The following SNUPN variants were observed in gnomAD, a reference collection of about 807,000 sequenced individuals.
SNUPN encodes snurportin-1.
A neutral mutation model predicts 39.2 loss-of-function variants in SNUPN; 31 were observed. That is an observed-to-expected ratio of 0.79 (90% CI 0.59 to 1.07). The LOEUF (loss-of-function observed/expected upper bound fraction) is 1.07. Among genes scored for constraint, SNUPN ranks in the 50% least tolerant of loss-of-function variants. The pLI is 0.00. For synonymous variants in SNUPN, 132 were observed against 159.0 expected (o/e 0.83, Z 1.28); for missense variants, 382 against 434.2 (o/e 0.88, Z 1.07).
chr15:75,604,175 T>G (rs1230429944), intron 7 of SNUPN, among the ~76,000 whole-genome samples: 1 of 150,060 alleles, frequency 6.7e-6, no homozygotes, highest in Non-Finnish European at 1.5e-5. Context: ...TTTTTTTTTT[T>G]TTTGTGACAG....
intron 3 of SNUPN, among the ~76,000 whole-genome samples, chr15:75,616,637 A>C (rs1567559544): frequency 1.3e-5 from 2 of 152,242 alleles, no homozygotes; most frequent in South Asian, 4.1e-4. Context: ...AGATGACAAG[A>C]TACTTGGGTT....
At position 75,621,110 on chromosome 15, in the gene SNUPN, TACAG is replaced by T. The variant is rs2141379120; in HGVS notation, c.-5-58_-5-55del. 48 of 1,556,242 alleles carry T rather than the reference TACAG, an allele frequency of 3.1e-5. No homozygotes were observed. In the South Asian group the frequency reaches 5.4e-4, roughly 18 times the overall value. On this transcript the variant is annotated intron_variant, in intron 1 of 8. Coordinates refer to ENST00000308588, the MANE Select transcript of SNUPN (RefSeq NM_005701.4). ...CATTCATTTCATATCATCTCCTGTA[TACAG>T]ACAGTTATGCAGTTATGATATGATG...
At chr15:75,617,319 T>C in intron 3 of SNUPN, 89 bp downstream of exon 3, 11 of 1,385,228 alleles carry the variant, frequency 7.9e-6, no homozygotes, top group Non-Finnish European at 1.1e-5. Flanking sequence ...CATTCTCCTC[T>C]CTTTATGACA....
chr15:75,607,103 C>A, intron 6 of SNUPN, 113 bp downstream of exon 6: 1 of 768,004 alleles, frequency 1.3e-6, no homozygotes, highest in South Asian at 1.4e-5. Flanking sequence ...CTTGATATAC[C>A]ACATCCTGTG....
chr15:75,607,877 C>A (rs1892674015), intron 5 of SNUPN, among the ~76,000 whole-genome samples: 1 of 152,044 alleles, frequency 6.6e-6, no homozygotes, highest in Non-Finnish European at 1.5e-5. Flanking sequence ...CTGGGACCAG[C>A]CGGGTTTAAA....
At chr15:75,624,085 G>A (rs996969541) in intron 1 of SNUPN, among the ~76,000 whole-genome samples, 1 of 149,436 alleles carries the variant, frequency 6.7e-6, no homozygotes, top group Non-Finnish European at 1.5e-5. Flanking sequence ...CCGCCACTAC[G>A]CCCGGCTAAT....
intron 3 of SNUPN, among the ~76,000 whole-genome samples, chr15:75,616,332 T>C (rs978946733): frequency 8.6e-5 from 13 of 151,870 alleles, no homozygotes; most frequent in African/African-American, 1.4e-4. Context: ...GTGGCAGGCA[T>C]CTGTAATCCC....
At chr15:75,622,048 A>G (rs1392827610) in intron 1 of SNUPN, among the ~76,000 whole-genome samples, 1 of 147,298 alleles carries the variant, frequency 6.8e-6, no homozygotes, top group Non-Finnish European at 1.5e-5. Flanking sequence ...AAAACAAACA[A>G]ACAAACAAAC....
chr15:75,623,953 A>T (rs1184283431), intron 1 of SNUPN, among the ~76,000 whole-genome samples: 8 of 116,434 alleles, frequency 6.9e-5, no homozygotes, highest in African/African-American at 2.4e-4. Flanking sequence ...TTTGAGACGG[A>T]GTCTCGCTCT....
At position 75,617,462 on chromosome 15, in the gene SNUPN, A is replaced by C; in HGVS notation, c.249T>G (p.Asp83Glu). ...MESEEENKKD[D>E]EEMDIDTVKK... ...TGACAGTGTCAATGTCCATTTCTTC[A>C]TCATCTTTCTTATTTTCTTCCTCAC... Residue 83 changes from aspartate to glutamate, a missense_variant, in exon 3 of 9, where the codon GAT (aspartate) becomes GAG (glutamate). Physicochemically the swap from Asp to Glu is conservative, Grantham distance 45 (BLOSUM62 2). Coordinates refer to ENST00000308588, the MANE Select transcript of SNUPN (RefSeq NM_005701.4). 6.2e-7 allele frequency: 1 copy of C among 1,613,732 alleles called. No individual in the cohort carries two copies. Among genetic ancestry groups the C allele is most frequent in the Non-Finnish European group, 8.5e-7 (1 of 1,179,940 alleles).
In SNUPN at chr15:75,620,846, A is replaced by G. The variant is rs377519020; in HGVS notation, c.158+48T>C. On this transcript the variant is annotated intron_variant, in intron 2 of 8. Coordinates refer to ENST00000308588, the MANE Select transcript of SNUPN (RefSeq NM_005701.4). ...AAGCCTAGAGCCTTCGGAATGGTTC[A>G]TAGCTCCTAGCCCAGAGAAAGAAGA... The G allele has an allele frequency of 1.9e-5, 30 of 1,559,520 alleles. No homozygotes were observed. In the African/African-American group the frequency reaches 2.9e-4, roughly 15 times the overall value.
intron 8 of SNUPN, among the ~76,000 whole-genome samples, chr15:75,599,404 T>C (rs2075267560): frequency 6.6e-6 from 1 of 152,036 alleles, no homozygotes; most frequent in African/African-American, 2.4e-5. Context: ...CACTTAGGGG[T>C]CTGTGTTGTG....
intron 3 of SNUPN, among the ~76,000 whole-genome samples, chr15:75,614,680 C>T (rs527849343): frequency 7.9e-5 from 12 of 152,004 alleles, no homozygotes; most frequent in Non-Finnish European, 1.8e-4. Context: ...ATTAAATAGT[C>T]GTGATGGTTG....
At chr15:75,603,969 A>G (rs888133319) in intron 7 of SNUPN, among the ~76,000 whole-genome samples, 2 of 152,090 alleles carry the variant, frequency 1.3e-5, no homozygotes, top group African/African-American at 4.8e-5. Flanking sequence ...AACAGCACAT[A>G]TCTACTTCGT....
chr15:75,605,028 CT>C, intron 7 of SNUPN, 121 bp downstream of exon 7: 1 of 662,168 alleles, frequency 1.5e-6, no homozygotes, highest in Non-Finnish European at 2.7e-6. Context: ...GATTGATACT[CT>C]TCCCTTTATA....
chr15:75,609,143 A>C (rs1892707888), intron 5 of SNUPN, among the ~76,000 whole-genome samples: 2 of 151,336 alleles, frequency 1.3e-5, no homozygotes, highest in Non-Finnish European at 2.9e-5. Flanking sequence ...AAAACAAAAA[A>C]AAAAAACAAA....
chr15:75,599,877 G>A lies in SNUPN; in HGVS notation c.760-1196C>T, dbSNP rs533131705. ...TTCTTTCTGAGATGGAGTTTCGCTCGTTGCCCAGGCTGCAGTGGAGTGCGG... is the reference window on the plus strand; with the variant it reads ...TTCTTTCTGAGATGGAGTTTCGCTCATTGCCCAGGCTGCAGTGGAGTGCGG... On this transcript the variant is annotated intron_variant, in intron 8 of 8. Coordinates refer to ENST00000308588, the MANE Select transcript of SNUPN (RefSeq NM_005701.4). Among the ~76,000 whole-genome samples, 7 of 147,602 alleles carry A rather than the reference G, an allele frequency of 4.7e-5. No individual in the cohort carries two copies. The Admixed American group carries it at 4.8e-4, about 10-fold the overall frequency.
chr15:75,614,783 T>C (rs1892883167), intron 3 of SNUPN, among the ~76,000 whole-genome samples: 1 of 152,234 alleles, frequency 6.6e-6, no homozygotes, highest in East Asian at 1.9e-4. Context: ...TATCTCAATA[T>C]AACTGTCTAA....
chr15:75,604,695 T>A (rs1322102610), intron 7 of SNUPN, among the ~76,000 whole-genome samples: 1 of 152,246 alleles, frequency 6.6e-6, no homozygotes, highest in Non-Finnish European at 1.5e-5. Flanking sequence ...TAAGTGAGAT[T>A]ATTAACTTAA....
Sources: allele counts gnomAD v4.1 joint callset (sites outside exome capture counted in the v4.1 genomes callset), GRCh38; gene constraint gnomAD v4.1.1; transcripts MANE v1.5; gene names NCBI Gene and HGNC (gene_info 2026-07-23, HGNC 2026-07-21).